AGBL1: variants seen among roughly 807,000 people sequenced by gnomAD.
The protein encoded by AGBL1 is AGBL carboxypeptidase 1.
A neutral mutation model predicts 118.9 loss-of-function variants in AGBL1; 130 were observed. That is an observed-to-expected ratio of 1.09 (90% CI 0.95 to 1.26). AGBL1 has a LOEUF of 1.26. Among genes scored for constraint, AGBL1 ranks in the 50% most tolerant of loss-of-function variants. AGBL1 has a pLI of 0.00. For synonymous variants in AGBL1, 555 were observed against 478.9 expected, an observed-to-expected ratio of 1.16 and a Z score of -2.08; for missense variants, 1,584 against 1,298.1, an observed-to-expected ratio of 1.22 and a Z score of -3.38.
At chr15:86,610,040 C>A (rs1158232581) in intron 21 of AGBL1, among the ~76,000 whole-genome samples, 1 of 152,206 alleles carries the variant, frequency 6.6e-6, no homozygotes, top group African/African-American at 2.4e-5. Flanking sequence ...ATGTCCCCCC[C>A]ATCTCCACCA....
chr15:86,495,103 ACTCTCTCT>A (rs34697784), intron 18 of AGBL1, among the ~76,000 whole-genome samples: 8 of 129,468 alleles, frequency 6.2e-5, no homozygotes, highest in Non-Finnish European at 1.4e-4. Context: ...TGTCTCGCTC[ACTCTCTCT>A]CTCTCTCTCT....
chr15:86,415,694 C>T (rs1208033179), intron 18 of AGBL1, among the ~76,000 whole-genome samples: 3 of 152,032 alleles, frequency 2.0e-5, no homozygotes, highest in Admixed American at 6.6e-5. Context: ...TTGTCATTAA[C>T]CTGAATGTTT....
intron 17 of AGBL1, among the ~76,000 whole-genome samples, chr15:86,342,587 A>T (rs2080477503): frequency 6.6e-6 from 1 of 152,190 alleles, no homozygotes; most frequent in Non-Finnish European, 1.5e-5. Context: ...CAGATTTCAA[A>T]AATTAAAAGA....
intron 3 of AGBL1, among the ~76,000 whole-genome samples, chr15:86,148,374 C>G (rs62012447): frequency 0.038 from 5,738 of 152,040 alleles, 160 homozygotes; most frequent in Middle Eastern, 0.092. Context: ...GGAAGCTAAT[C>G]TTGAAAAAAG....
intron 22 of AGBL1, among the ~76,000 whole-genome samples, chr15:86,806,754 T>C (rs575604690): frequency 1.3e-5 from 2 of 151,354 alleles, no homozygotes; most frequent in Admixed American, 6.6e-5. Context: ...TTCTCATTAT[T>C]ATTTTATATT....
chr15:86,188,753 A>G (rs899746167), intron 5 of AGBL1, among the ~76,000 whole-genome samples: 1 of 152,208 alleles, frequency 6.6e-6, no homozygotes, highest in Non-Finnish European at 1.5e-5. Flanking sequence ...ACAAGATGGT[A>G]CATCTTGATA....
chr15:86,534,205 G>T (rs937608719), intron 19 of AGBL1, among the ~76,000 whole-genome samples: 1 of 151,758 alleles, frequency 6.6e-6, no homozygotes. Context: ...CAAGGAAACT[G>T]GAGTGGTAGA....
At chr15:86,707,410 A>T (rs2086470807) in intron 22 of AGBL1, among the ~76,000 whole-genome samples, 1 of 151,952 alleles carries the variant, frequency 6.6e-6, no homozygotes, top group African/African-American at 2.4e-5. Flanking sequence ...ATATGTTTTC[A>T]TGAAACTGTG....
At chr15:86,779,690 CT>C (rs1479422418) in intron 22 of AGBL1, among the ~76,000 whole-genome samples, 1 of 152,046 alleles carries the variant, frequency 6.6e-6, no homozygotes, top group African/African-American at 2.4e-5. Context: ...ATTTGTATCT[CT>C]TTTCTTTTTC....
intron 22 of AGBL1, among the ~76,000 whole-genome samples, chr15:86,806,815 TATAA>T (rs1460104156): frequency 6.7e-6 from 1 of 150,360 alleles, no homozygotes; most frequent in African/African-American, 2.4e-5. Flanking sequence ...TTGTACACTA[TATAA>T]ATATTATAAT....
chr15:86,818,317 G>C (rs544089642), intron 22 of AGBL1, among the ~76,000 whole-genome samples: 1 of 152,254 alleles, frequency 6.6e-6, no homozygotes, highest in Admixed American at 6.5e-5. Context: ...GTGAGCAGTG[G>C]GCCAGTGAGC....
chr15:86,987,756 G>C (rs1039240948), intron 23 of AGBL1, among the ~76,000 whole-genome samples: 2 of 151,872 alleles, frequency 1.3e-5, no homozygotes, highest in Non-Finnish European at 2.9e-5. Flanking sequence ...TTTTTTATCA[G>C]ATTCTTAGAC....
chr15:86,181,539 G>A (rs892954984), intron 5 of AGBL1, among the ~76,000 whole-genome samples: 2 of 151,540 alleles, frequency 1.3e-5, no homozygotes, highest in Non-Finnish European at 3.0e-5. Context: ...TAGGAGGGAG[G>A]GATTATAAAG....
chr15:86,757,002 ACAGATCCC>A (rs1169997352), intron 22 of AGBL1, among the ~76,000 whole-genome samples: 1 of 149,854 alleles, frequency 6.7e-6, no homozygotes, highest in South Asian at 2.1e-4. Context: ...TTACTTACCT[ACAGATCCC>A]CAGATCCCCA....
At chr15:86,779,934 C>CACAT (rs1555449326) in intron 22 of AGBL1, among the ~76,000 whole-genome samples, 8 of 151,510 alleles carry the variant, frequency 5.3e-5, no homozygotes, top group Non-Finnish European at 7.4e-5. Context: ...CACACACACA[C>CACAT]ACACACACCC....
chr15:86,690,836 A>C (rs554107691), intron 22 of AGBL1, among the ~76,000 whole-genome samples: 9 of 152,194 alleles, frequency 5.9e-5, no homozygotes, highest in African/African-American at 2.2e-4. Context: ...TAGTCTCTTG[A>C]AGGGAAGTTT....
chr15:86,954,812 T>TA (rs1440421569), intron 23 of AGBL1, among the ~76,000 whole-genome samples: 1 of 152,064 alleles, frequency 6.6e-6, no homozygotes, highest in Non-Finnish European at 1.5e-5. Context: ...CACTGAAATT[T>TA]AAAAAAATGT....
intron 22 of AGBL1, among the ~76,000 whole-genome samples, chr15:86,792,865 C>T (rs2078515126): frequency 2.0e-5 from 3 of 152,022 alleles, no homozygotes; most frequent in Non-Finnish European, 4.4e-5. Context: ...AGCTATATCT[C>T]CATGATTCCC....
intron 22 of AGBL1, among the ~76,000 whole-genome samples, chr15:86,720,116 A>G (rs1328280052): frequency 1.3e-5 from 2 of 152,182 alleles, no homozygotes; most frequent in African/African-American, 4.8e-5. Flanking sequence ...TAATATCTCT[A>G]AGCTTCACTT....
Sources: allele counts gnomAD v4.1 joint callset (sites outside exome capture counted in the v4.1 genomes callset), GRCh38; gene constraint gnomAD v4.1.1; transcripts MANE v1.5; gene names NCBI Gene and HGNC (gene_info 2026-07-23, HGNC 2026-07-21).